P4HA1: variants seen among roughly 807,000 people sequenced by gnomAD.
P4HA1 encodes prolyl 4-hydroxylase subunit alpha 1, also known as prolyl 4-hydroxylase subunit alpha-1.
P4HA1 carries 24 observed loss-of-function variants against 72.8 expected under a neutral mutation model. The observed-to-expected ratio is 0.33, with a 90% confidence interval of 0.24 to 0.46. The LOEUF is 0.46. Among genes scored for constraint, P4HA1 ranks in the 20% least tolerant of loss-of-function variants. The pLI, the probability that P4HA1 is intolerant of heterozygous loss-of-function variation, is 1.00. For missense variants in P4HA1, 446 were observed against 640.6 expected, an observed-to-expected ratio of 0.70 and a Z score of 3.28; for synonymous variants, 201 against 218.8, an observed-to-expected ratio of 0.92 and a Z score of 0.72.
Position 73,013,011 on chromosome 10 carries a change from G to A in P4HA1, c.1368+1213C>T, listed in dbSNP as rs370794551. Among the ~76,000 whole-genome samples the A allele has an allele frequency of 2.6e-5, 4 of 152,146 alleles. No individual in the cohort carries two copies. The East Asian group carries it at 7.7e-4, about 29-fold the overall frequency. On this transcript the variant is annotated intron_variant, in intron 12 of 14. Transcript: ENST00000394890. ...GGGTTTCACCACGTTGGCCAGGCTG[G>A]TCTCGAACTCCTGACCTCAAGTGAT...
chr10:73,078,754 G>A (rs1841761364), intron 1 of P4HA1, among the ~76,000 whole-genome samples: 1 of 151,750 alleles, frequency 6.6e-6, no homozygotes, highest in African/African-American at 2.4e-5. Context: ...TGGGATTATA[G>A]GCACCTGCCA....
intron 1 of P4HA1, among the ~76,000 whole-genome samples, chr10:73,096,472 A>G (rs1469893196): frequency 6.6e-6 from 1 of 150,962 alleles, no homozygotes; most frequent in African/African-American, 2.4e-5. Context: ...AAAATTCAAG[A>G]AAGTCCTGGT....
chr10:73,015,877 GTTTTT>G (rs113800763), intron 11 of P4HA1, among the ~76,000 whole-genome samples: 2 of 144,892 alleles, frequency 1.4e-5, no homozygotes, highest in African/African-American at 5.0e-5. Context: ...TAGGTGTTTG[GTTTTT>G]TTTTTTTAAC....
intron 9 of P4HA1, among the ~76,000 whole-genome samples, chr10:73,032,170 C>T (rs1013859521): frequency 2.6e-5 from 4 of 152,176 alleles, no homozygotes; most frequent in Non-Finnish European, 5.9e-5. Context: ...TAATGTATTT[C>T]CTACTTCATA....
At chr10:73,055,221 T>C (rs375536566) in intron 5 of P4HA1, among the ~76,000 whole-genome samples, 4 of 152,188 alleles carry the variant, frequency 2.6e-5, no homozygotes, top group African/African-American at 9.7e-5. Context: ...GAGTTCTTTA[T>C]TGAGACAGAG....
chr10:73,037,778 C>G (rs1343995811), intron 9 of P4HA1, among the ~76,000 whole-genome samples: 1 of 150,272 alleles, frequency 6.7e-6, no homozygotes, highest in African/African-American at 2.4e-5. Flanking sequence ...TCAGTTATCT[C>G]AGTCTGAGTA....
intron 9 of P4HA1, among the ~76,000 whole-genome samples, chr10:73,035,996 C>T (rs1183807861): frequency 6.6e-6 from 1 of 152,052 alleles, no homozygotes; most frequent in African/African-American, 2.4e-5. Context: ...CGAGACCAGC[C>T]TGACCAACGT....
intron 5 of P4HA1, among the ~76,000 whole-genome samples, chr10:73,063,845 T>C (rs1368815815): frequency 6.6e-6 from 1 of 152,164 alleles, no homozygotes; most frequent in Admixed American, 6.5e-5. Flanking sequence ...GCAGACTGCC[T>C]GGGAATCTGA....
intron 10 of P4HA1, 95 bp downstream of exon 10, chr10:73,030,176 A>AT: frequency 2.0e-6 from 1 of 512,136 alleles, no homozygotes; most frequent in Non-Finnish European, 3.4e-6. Context: ...CCAAACTATC[A>AT]TGCAAATTGA....
chr10:73,053,369 T>C lies in P4HA1; in HGVS notation c.685A>G (p.Lys229Glu). The change falls in exon 6 of 15, where the codon AAG becomes GAG. Residue 229 changes from lysine to glutamate, a missense_variant. Transcript: ENST00000394890. ...GDLDKALLLT[K>E]KLLELDPEHQ... The stretch of plus-strand genomic sequence containing the variant: ...AACATACCTAGTTCAAGAAGCTTCT[T>C]TGTGAGCAAAAGTGCCTTATCCAGG... 2 of 1,614,068 alleles carry C rather than the reference T, an allele frequency of 1.2e-6. No homozygotes were observed. The highest frequency in any genetic ancestry group is 1.1e-5 in the South Asian group (1 of 91,082).
intron 10 of P4HA1, among the ~76,000 whole-genome samples, chr10:73,018,650 G>A (rs1304292338): frequency 2.0e-5 from 3 of 148,156 alleles, no homozygotes; most frequent in Non-Finnish European, 4.4e-5. Context: ...TCATCATGGT[G>A]CCTCATCCCC....
intron 9 of P4HA1, among the ~76,000 whole-genome samples, chr10:73,031,122 T>C (rs1307469345): frequency 1.3e-5 from 2 of 152,182 alleles, no homozygotes; most frequent in Non-Finnish European, 2.9e-5. Context: ...CAAATATCCA[T>C]CAATTTATCA....
rs373698181 is a variant in P4HA1 at position 73,021,796 on chromosome 10, G to A, written c.1249-4897C>T. On this transcript the variant is annotated intron_variant, in intron 10 of 14. Transcript: ENST00000394890. The stretch of plus-strand genomic sequence containing the variant: ...CCGGACAATCCTGCCCACATACTGC[G>A]CTTTTCCCACAGTCTTAGCAACTGG... Among the ~76,000 whole-genome samples, 11 of 152,330 alleles carry A rather than the reference G, an allele frequency of 7.2e-5. No individual in the cohort carries two copies. In the East Asian group the frequency reaches 7.7e-4, roughly 11 times the overall value.
At position 73,028,342 on chromosome 10, in the gene P4HA1, AC is replaced by A. The variant is rs1805455529; in HGVS notation, c.1248+1928del. Among the ~76,000 whole-genome samples the A allele has an allele frequency of 5.3e-5, 8 of 149,844 alleles. No homozygotes were observed. The South Asian group carries it at 1.2e-3, about 23-fold the overall frequency. ...CACACACACACACACACACACACAC[AC>A]ACAAAATACATTTTTAAAACTTAAT... On this transcript the variant is annotated intron_variant, in intron 10 of 14. Coordinates refer to ENST00000394890, the MANE Select transcript of P4HA1 (RefSeq NM_001017962.3).
intron 1 of P4HA1, among the ~76,000 whole-genome samples, chr10:73,084,751 G>C (rs11000517): frequency 0.037 from 5,624 of 152,248 alleles, 346 homozygotes; most frequent in African/African-American, 0.12. Context: ...AAGCTCATTT[G>C]CAACAGCAAC....
At chr10:73,038,491 T>G (rs1840652653) in intron 9 of P4HA1, among the ~76,000 whole-genome samples, 1 of 152,144 alleles carries the variant, frequency 6.6e-6, no homozygotes, top group Admixed American at 6.5e-5. Flanking sequence ...ATGAGTTCAC[T>G]TAACTATCTT....
At chr10:73,067,374 A>G (rs1264203110) in intron 5 of P4HA1, among the ~76,000 whole-genome samples, 1 of 152,148 alleles carries the variant, frequency 6.6e-6, no homozygotes, top group Non-Finnish European at 1.5e-5. Flanking sequence ...ATGGTTTTCT[A>G]AAAGGAAAAA....
At chr10:73,027,437 G>A (rs1380252198) in intron 10 of P4HA1, among the ~76,000 whole-genome samples, 9 of 150,114 alleles carry the variant, frequency 6.0e-5, no homozygotes, top group South Asian at 4.3e-4. Flanking sequence ...ATCACACACC[G>A]GGGCCTGTCG....
chr10:73,017,409 G>T (rs1440993134), intron 10 of P4HA1, among the ~76,000 whole-genome samples: 1 of 151,878 alleles, frequency 6.6e-6, no homozygotes, highest in African/African-American at 2.4e-5. Flanking sequence ...TCAACCTTTG[G>T]GGCACAAGTG....
Sources: allele counts gnomAD v4.1 joint callset (sites outside exome capture counted in the v4.1 genomes callset), GRCh38; gene constraint gnomAD v4.1.1; transcripts MANE v1.5; gene names NCBI Gene and HGNC (gene_info 2026-07-23, HGNC 2026-07-21).